The following TMEM232 variants were observed in gnomAD, a reference collection of about 807,000 sequenced individuals.
TMEM232 encodes transmembrane protein 232.
TMEM232 carries 80 observed loss-of-function variants against 78.8 expected under a neutral mutation model. The observed-to-expected ratio is 1.01, with a 90% confidence interval of 0.85 to 1.22. The LOEUF is 1.22. Among genes scored for constraint, TMEM232 ranks in the 50% most tolerant of loss-of-function variants. The pLI, the probability that TMEM232 is intolerant of heterozygous loss-of-function variation, is 0.00. For synonymous variants in TMEM232, 297 were observed against 254.3 expected (o/e 1.17, Z -1.60); for missense variants, 881 against 742.2 (o/e 1.19, Z -2.17).
chr5:110,632,714 A>T (rs2149979012), intron 5 of TMEM232, among the ~76,000 whole-genome samples: 1 of 152,302 alleles, frequency 6.6e-6, no homozygotes, highest in Middle Eastern at 3.4e-3. Flanking sequence ...ACAAAGAAAA[A>T]GTAATGAAAA....
At position 110,471,619 on chromosome 5, in the gene TMEM232, A is replaced by G. The variant is rs1001685395; in HGVS notation, c.1704-46703T>C. On this transcript the variant is annotated intron_variant, in intron 12 of 13. Transcript: ENST00000455884. The stretch of plus-strand genomic sequence containing the variant: ...ATGACATATTCCAAGTGCTGAAAGA[A>G]AAAAAAAAAGAAGACAAAAAAAACC... Among the ~76,000 whole-genome samples the G allele has an allele frequency of 2.7e-5, 4 of 148,138 alleles. No homozygotes were observed. In the East Asian group the frequency reaches 7.8e-4, roughly 29 times the overall value.
At chr5:110,669,686 A>G (rs1791102234) in intron 1 of TMEM232, among the ~76,000 whole-genome samples, 1 of 152,178 alleles carries the variant, frequency 6.6e-6, no homozygotes, top group East Asian at 1.9e-4. Context: ...CAAAAAAGAC[A>G]ATTTGAGACC....
At chr5:110,476,909 A>G (rs1284129707) in intron 12 of TMEM232, among the ~76,000 whole-genome samples, 1 of 152,038 alleles carries the variant, frequency 6.6e-6, no homozygotes, top group Non-Finnish European at 1.5e-5. Flanking sequence ...TAACACCAAC[A>G]GACAGAGGAT....
At chr5:110,592,149 A>G (rs1490003240) in intron 10 of TMEM232, among the ~76,000 whole-genome samples, 1 of 152,210 alleles carries the variant, frequency 6.6e-6, no homozygotes, top group Non-Finnish European at 1.5e-5. Context: ...GTATTTGTCA[A>G]GTAATGGCTT....
rs1480487164 is a variant in TMEM232, at chr5:110,605,331, A to G, written c.1054T>C (p.Ser352Pro). The G allele has an allele frequency of 1.3e-6, 2 of 1,545,464 alleles. No individual in the cohort carries two copies. The highest frequency in any genetic ancestry group is 1.7e-6 in the Non-Finnish European group (2 of 1,144,402). The change falls in exon 10 of 14, where the codon TCC becomes CCC. Residue 352 changes from serine (S) to proline (P), a missense_variant. Coordinates refer to ENST00000455884, the MANE Select transcript of TMEM232 (RefSeq NM_001039763.4). ...ATGTAGACTACATTCCAGGCCCAGG[A>G]AAAATCATCTACCTTGCAACTTTCT... is the stretch of plus-strand genomic sequence containing the variant. ...QEESCKVDDFSWAWNVVYIYT... is the reference protein window; with the variant it reads ...QEESCKVDDFPWAWNVVYIYT...
chr5:110,570,431 C>T (rs958726908), intron 10 of TMEM232, among the ~76,000 whole-genome samples: 2 of 151,776 alleles, frequency 1.3e-5, no homozygotes, highest in African/African-American at 2.4e-5. Context: ...AAGTCTGGGA[C>T]ATGAGAATAA....
At chr5:110,448,994 A>G (rs979631540) in intron 12 of TMEM232, among the ~76,000 whole-genome samples, 4 of 152,060 alleles carry the variant, frequency 2.6e-5, no homozygotes, top group Non-Finnish European at 5.9e-5. Flanking sequence ...AGGAAAAACT[A>G]AAGTAAAATT....
At chr5:110,424,192 T>G (rs1756998692) in intron 13 of TMEM232, among the ~76,000 whole-genome samples, 1 of 152,136 alleles carries the variant, frequency 6.6e-6, no homozygotes. Flanking sequence ...ATCTGAGAGA[T>G]AATATTGAAC....
chr5:110,736,041 C>G (rs1799125587), intron 1 of TMEM232, among the ~76,000 whole-genome samples: 1 of 152,110 alleles, frequency 6.6e-6, no homozygotes, highest in Admixed American at 6.5e-5. Context: ...TTAAGCTGCC[C>G]AATTTGTTAT....
chr5:110,578,198 T>C (rs1777784503), intron 10 of TMEM232, among the ~76,000 whole-genome samples: 2 of 151,968 alleles, frequency 1.3e-5, no homozygotes, highest in South Asian at 4.1e-4. Context: ...ATCAGACTTC[T>C]GACTTTTGGA....
At chr5:110,531,462 A>C (rs557298725) in intron 11 of TMEM232, among the ~76,000 whole-genome samples, 1 of 152,190 alleles carries the variant, frequency 6.6e-6, no homozygotes, top group East Asian at 1.9e-4. Context: ...ACATCTCACT[A>C]ATTTCAAATC....
chr5:110,391,016 C>T (rs749579329), intron 3 of TMEM232, among the ~76,000 whole-genome samples: 2 of 152,236 alleles, frequency 1.3e-5, no homozygotes, highest in Non-Finnish European at 2.9e-5. Flanking sequence ...TTCTTCAAGA[C>T]ACTGCTGTCA....
intron 7 of TMEM232, among the ~76,000 whole-genome samples, chr5:110,623,505 CT>C (rs1169682049): frequency 6.6e-6 from 1 of 152,132 alleles, no homozygotes; most frequent in Non-Finnish European, 1.5e-5. Flanking sequence ...GCAAATGTAT[CT>C]ATTTCCATTT....
At chr5:110,579,919 G>T (rs1038439476) in intron 10 of TMEM232, among the ~76,000 whole-genome samples, 1 of 151,460 alleles carries the variant, frequency 6.6e-6, no homozygotes, top group East Asian at 1.9e-4. Flanking sequence ...TCTATAAGGG[G>T]GTCACTTTAT....
downstream of TMEM232, among the ~76,000 whole-genome samples, chr5:110,419,376 G>A (rs920900450): frequency 3.3e-5 from 5 of 152,064 alleles, no homozygotes; most frequent in African/African-American, 1.2e-4. Flanking sequence ...TCTGCCATAT[G>A]TTATTGTTAT....
chr5:110,726,762 T>A (rs1289102962), upstream of TMEM232: 1 of 152,222 alleles, frequency 6.6e-6, no homozygotes, highest in Non-Finnish European at 1.5e-5. Context: ...AATTTCCACC[T>A]GCCCTGTCCC....
At chr5:110,613,929 A>T (rs941196934) in intron 8 of TMEM232, among the ~76,000 whole-genome samples, 3 of 152,098 alleles carry the variant, frequency 2.0e-5, no homozygotes, top group African/African-American at 7.2e-5. Flanking sequence ...TTAACAGAAT[A>T]GTTAATCAAA....
chr5:110,410,072 T>C (rs191481800), intron 2 of TMEM232, among the ~76,000 whole-genome samples: 1 of 152,280 alleles, frequency 6.6e-6, no homozygotes, highest in East Asian at 1.9e-4. Flanking sequence ...GTTGACAAAA[T>C]GCTTGCGCAT....
intron 8 of TMEM232, among the ~76,000 whole-genome samples, chr5:110,612,196 G>A (rs1296722635): frequency 4.6e-5 from 7 of 152,136 alleles, no homozygotes; most frequent in Admixed American, 4.6e-4. Flanking sequence ...GGGGTTCATA[G>A]GGGTTAAGCA....
Sources: allele counts gnomAD v4.1 joint callset (sites outside exome capture counted in the v4.1 genomes callset), GRCh38; gene constraint gnomAD v4.1.1; transcripts MANE v1.5; gene names NCBI Gene and HGNC (gene_info 2026-07-23, HGNC 2026-07-21).